Variants in SAMTOR observed in about 807,000 individuals in gnomAD.
SAMTOR encodes the protein S-adenosylmethionine sensor upstream of mTORC1.
the SAMTOR span, among the ~76,000 whole-genome samples, chr7:112,829,377 A>C: frequency 2.0e-5 from 3 of 152,122 alleles, no homozygotes; most frequent in Non-Finnish European, 2.9e-5. Flanking sequence ...TAAATAATAA[A>C]ACTGTATTGA....
chr7:112,826,565 T>C, the SAMTOR span, among the ~76,000 whole-genome samples: 4 of 152,168 alleles, frequency 2.6e-5, no homozygotes, highest in Non-Finnish European at 4.4e-5. Context: ...ATTCATCTAC[T>C]CAAAGAACTA....
chr7:112,851,763 G>T, the SAMTOR span, among the ~76,000 whole-genome samples: 2 of 152,052 alleles, frequency 1.3e-5, no homozygotes, highest in Admixed American at 1.3e-4. Flanking sequence ...ATCCTACATA[G>T]GGCTAATATG....
chr7:112,826,685 A>T, the SAMTOR span, among the ~76,000 whole-genome samples: 1 of 151,838 alleles, frequency 6.6e-6, no homozygotes, highest in Non-Finnish European at 1.5e-5. Context: ...TTTTTCTTCT[A>T]GTTGAAAAGT....
the SAMTOR span, among the ~76,000 whole-genome samples, chr7:112,876,461 C>T: frequency 1.3e-5 from 2 of 152,130 alleles, no homozygotes; most frequent in African/African-American, 4.8e-5. Context: ...ATGTTCTCTA[C>T]CCCACAATAT....
chr7:112,846,409 T>G, the SAMTOR span, among the ~76,000 whole-genome samples: 2 of 152,058 alleles, frequency 1.3e-5, no homozygotes, highest in Non-Finnish European at 2.9e-5. Context: ...AAATAACTAT[T>G]GGATATTAGG....
At chr7:112,833,185 G>A in the SAMTOR span, among the ~76,000 whole-genome samples, 2 of 151,918 alleles carry the variant, frequency 1.3e-5, no homozygotes, top group Non-Finnish European at 2.9e-5. Flanking sequence ...TCAGGCTGTT[G>A]CAACATCACA....
At chr7:112,910,984 C>T in the SAMTOR span, among the ~76,000 whole-genome samples, 64 of 152,100 alleles carry the variant, frequency 4.2e-4, no homozygotes, top group Admixed American at 3.3e-3. Flanking sequence ...CAAGTCCTTC[C>T]AAAATGAGAA....
At chr7:112,902,101 TA>T in the SAMTOR span, among the ~76,000 whole-genome samples, 2 of 151,960 alleles carry the variant, frequency 1.3e-5, no homozygotes, top group African/African-American at 4.8e-5. Context: ...ATGAAGTCAG[TA>T]AAAAAGGTGG....
At chr7:112,846,948 G>T in the SAMTOR span, among the ~76,000 whole-genome samples, 4 of 152,054 alleles carry the variant, frequency 2.6e-5, no homozygotes, top group South Asian at 8.3e-4. Context: ...TCTCAAGAGA[G>T]AATTCTTTTA....
chr7:112,853,332 A>G, the SAMTOR span, among the ~76,000 whole-genome samples: 1 of 152,114 alleles, frequency 6.6e-6, no homozygotes, highest in African/African-American at 2.4e-5. Context: ...ATAATTTTCT[A>G]CTTAAATTTA....
the SAMTOR span, among the ~76,000 whole-genome samples, chr7:112,910,248 T>C: frequency 6.6e-6 from 1 of 152,078 alleles, no homozygotes; most frequent in African/African-American, 2.4e-5. Context: ...CACAACCCCG[T>C]TGTCCTAACT....
the SAMTOR span, among the ~76,000 whole-genome samples, chr7:112,912,025 A>C: frequency 6.6e-6 from 1 of 151,344 alleles, no homozygotes; most frequent in Admixed American, 6.6e-5. Flanking sequence ...GATTGGATTT[A>C]GAAAAAAATA....
chr7:112,915,723 T>C, the SAMTOR span, among the ~76,000 whole-genome samples: 1 of 152,220 alleles, frequency 6.6e-6, no homozygotes, highest in African/African-American at 2.4e-5. Context: ...GATAACAGAT[T>C]TGTGAAGCTG....
chr7:112,824,715 T>C, the SAMTOR span, among the ~76,000 whole-genome samples: 1 of 152,158 alleles, frequency 6.6e-6, no homozygotes, highest in African/African-American at 2.4e-5. Context: ...TTCTTTTGTA[T>C]ATGGATACCC....
chr7:112,843,400 G>C, the SAMTOR span, among the ~76,000 whole-genome samples: 18 of 151,898 alleles, frequency 1.2e-4, no homozygotes, highest in Non-Finnish European at 7.4e-5. Context: ...ATGAGAATAA[G>C]TATTCTGATA....
the SAMTOR span, among the ~76,000 whole-genome samples, chr7:112,834,247 T>A: frequency 6.6e-6 from 1 of 152,174 alleles, no homozygotes; most frequent in Admixed American, 6.6e-5. Flanking sequence ...TAGTTATCCA[T>A]TTACTTAAAA....
the SAMTOR span, among the ~76,000 whole-genome samples, chr7:112,871,222 T>C: frequency 2.0e-5 from 3 of 151,820 alleles, no homozygotes; most frequent in African/African-American, 7.3e-5. Context: ...CACATTCTTC[T>C]GTCATCTACA....
chr7:112,934,805 C>G, the SAMTOR span, among the ~76,000 whole-genome samples: 1 of 152,194 alleles, frequency 6.6e-6, no homozygotes, highest in Non-Finnish European at 1.5e-5. Flanking sequence ...GAATCTGCAA[C>G]AATGCTTTTG....
chr7:112,890,957 T>A, the SAMTOR span, among the ~76,000 whole-genome samples: 17 of 152,326 alleles, frequency 1.1e-4, no homozygotes, highest in Non-Finnish European at 1.9e-4. Flanking sequence ...CTCAAAGTGC[T>A]GGGATTACAG....
Sources: allele counts gnomAD v4.1 joint callset (sites outside exome capture counted in the v4.1 genomes callset), GRCh38; gene constraint gnomAD v4.1.1; transcripts MANE v1.5; gene names NCBI Gene and HGNC (gene_info 2026-07-23, HGNC 2026-07-21).